ARHGAP10: variants seen among roughly 807,000 people sequenced by gnomAD.
ARHGAP10 encodes the protein rho GTPase-activating protein 10.
In ARHGAP10, 87 loss-of-function variants were observed where a neutral mutation model predicts 108.6. The observed-to-expected ratio is 0.80, with a 90% CI of 0.67 to 0.96. The LOEUF (loss-of-function observed/expected upper bound fraction) is 0.96, where lower values mean the gene tolerates loss of function less well. ARHGAP10 is among the 40% of genes least tolerant of loss of function. The pLI is 0.00. For synonymous variants in ARHGAP10, 347 were observed against 341.1 expected (o/e 1.02, Z -0.19); for missense variants, 939 against 954.5 (o/e 0.98, Z 0.21).
At position 147,784,749 on chromosome 4, in the gene ARHGAP10, A is replaced by AATG. The variant is rs1340183116; in HGVS notation, c.155-37978_155-37977insATG. Among the ~76,000 whole-genome samples, 154 of 23,934 alleles carry AATG rather than the reference A, an allele frequency of 6.4e-3. 33 individuals carry two copies. Among genetic ancestry groups the AATG allele is most frequent in the African/African-American group, 0.011 (148 of 12,888 alleles). 15.7% of individuals were successfully genotyped at this position (23,934 alleles called of 152,430 possible). A position where few individuals can be genotyped will look rare whatever the true frequency, so the allele number is the denominator to read the frequency against. ...ATTATAAAATATATATTATAAATATATATTATAAAATGTATATTATAAATA... is the reference window on the plus strand; with the variant it reads ...ATTATAAAATATATATTATAAATATAATGTATTATAAAATGTATATTATAAATA... On this transcript the variant is annotated intron_variant, in intron 1 of 22. Transcript: ENST00000336498.
chr4:147,732,781 C>T (rs1016237614), intron 1 of ARHGAP10, among the ~76,000 whole-genome samples: 1 of 152,208 alleles, frequency 6.6e-6, no homozygotes, highest in African/African-American at 2.4e-5. Context: ...CTAGGCACTC[C>T]TGGCCCGGAG....
chr4:148,016,789 C>G (rs962558614), intron 18 of ARHGAP10, among the ~76,000 whole-genome samples: 1 of 152,122 alleles, frequency 6.6e-6, no homozygotes, highest in Non-Finnish European at 1.5e-5. Flanking sequence ...GAAATTCTGA[C>G]TGGCTTCCAC....
chr4:147,937,982 A>G (rs1738020538), intron 13 of ARHGAP10, among the ~76,000 whole-genome samples: 1 of 152,204 alleles, frequency 6.6e-6, no homozygotes, highest in East Asian at 1.9e-4. Flanking sequence ...TCCATCTCCA[A>G]AAGAAACAAA....
intron 13 of ARHGAP10, among the ~76,000 whole-genome samples, chr4:147,919,744 A>C (rs1737157583): frequency 1.3e-5 from 2 of 151,892 alleles, no homozygotes; most frequent in South Asian, 4.2e-4. Context: ...ATACCCAGCT[A>C]ATTTTTTTGT....
chr4:147,967,809 A>G (rs1292422311), intron 18 of ARHGAP10, among the ~76,000 whole-genome samples: 3 of 151,988 alleles, frequency 2.0e-5, no homozygotes, highest in East Asian at 1.9e-4. Flanking sequence ...TTCAACCCCA[A>G]CAAATCAGAA....
chr4:147,948,667 G>T (rs1044384180), intron 15 of ARHGAP10, among the ~76,000 whole-genome samples: 4 of 152,016 alleles, frequency 2.6e-5, no homozygotes, highest in African/African-American at 9.7e-5. Context: ...TTTCAAGAAT[G>T]CATTGTAGGC....
chr4:147,749,134 T>G (rs1251103151), intron 1 of ARHGAP10, among the ~76,000 whole-genome samples: 1 of 152,184 alleles, frequency 6.6e-6, no homozygotes, highest in East Asian at 1.9e-4. Context: ...CTTGGTTGAT[T>G]AATTTTAACC....
At chr4:147,919,532 T>C (rs1395060878) in intron 13 of ARHGAP10, among the ~76,000 whole-genome samples, 1 of 152,064 alleles carries the variant, frequency 6.6e-6, no homozygotes, top group Non-Finnish European at 1.5e-5. Flanking sequence ...CAAACTTTGC[T>C]GCACATTGAA....
At chr4:147,864,764 G>A (rs1309517901) in intron 5 of ARHGAP10, 82 bp from the exon 6 acceptor site, 5 of 1,234,822 alleles carry the variant, frequency 4.0e-6, no homozygotes, top group Non-Finnish European at 5.8e-6. Context: ...TTTGGCCCAT[G>A]GACCACAGTG....
intron 1 of ARHGAP10, among the ~76,000 whole-genome samples, chr4:147,809,542 C>G (rs1290646264): frequency 6.6e-6 from 1 of 152,176 alleles, no homozygotes; most frequent in Non-Finnish European, 1.5e-5. Context: ...AACTAAAGCT[C>G]AGAAGCATTG....
At chr4:147,799,081 C>T (rs913947068) in intron 1 of ARHGAP10, among the ~76,000 whole-genome samples, 1 of 151,736 alleles carries the variant, frequency 6.6e-6, no homozygotes, top group Admixed American at 6.6e-5. Context: ...GTCACCCAGG[C>T]TGGAATGCAT....
chr4:147,956,750 CTTTTT>C (rs554503809), intron 16 of ARHGAP10, among the ~76,000 whole-genome samples: 2 of 142,016 alleles, frequency 1.4e-5, no homozygotes, highest in Admixed American at 6.9e-5. Context: ...TTTTTTTTTC[CTTTTT>C]TTTTTTCTTT....
intron 7 of ARHGAP10, among the ~76,000 whole-genome samples, chr4:147,871,825 G>C (rs1734834762): frequency 6.6e-6 from 1 of 152,122 alleles, no homozygotes; most frequent in Non-Finnish European, 1.5e-5. Context: ...TAGTGGCTGG[G>C]GATGGTGGCT....
At chr4:147,835,411 C>T (rs1207865789) in intron 3 of ARHGAP10, among the ~76,000 whole-genome samples, 3 of 152,138 alleles carry the variant, frequency 2.0e-5, no homozygotes, top group African/African-American at 4.8e-5. Context: ...CTTGCTCTGT[C>T]GCCCAGGCTG....
At chr4:148,057,825 G>A (rs891630074) in intron 20 of ARHGAP10, among the ~76,000 whole-genome samples, 8 of 152,212 alleles carry the variant, frequency 5.3e-5, no homozygotes, top group South Asian at 2.1e-4. Flanking sequence ...GTGGTGTCAC[G>A]GTTTCCTGGG....
chr4:147,947,844 G>C (rs1250546476), intron 15 of ARHGAP10, among the ~76,000 whole-genome samples: 1 of 151,958 alleles, frequency 6.6e-6, no homozygotes, highest in African/African-American at 2.4e-5. Context: ...TACATAAGAT[G>C]AGAGTTTAGT....
intron 17 of ARHGAP10, among the ~76,000 whole-genome samples, chr4:147,965,705 A>G (rs1739179058): frequency 6.6e-6 from 1 of 152,252 alleles, no homozygotes; most frequent in South Asian, 2.1e-4. Flanking sequence ...GTGATTTGCC[A>G]AGGGACCTAC....
chr4:147,822,945 G>A lies in ARHGAP10; in HGVS notation c.300G>A (p.Gln100=), dbSNP rs199864383. 2.2e-5 allele frequency: 36 copies of A among 1,613,482 alleles called. No individual in the cohort carries two copies. Among genetic ancestry groups the A allele is most frequent in the Non-Finnish European group, 2.8e-5 (33 of 1,179,398 alleles). Residue 100 remains glutamine, a synonymous_variant, in exon 3 of 23, where the codon CAG becomes CAA. Coordinates refer to ENST00000336498, the MANE Select transcript of ARHGAP10 (RefSeq NM_024605.4). The part of the protein sequence containing the change: ...FSNFLKNLEE[Q]REIMALSVTE... Reference sequence around the variant, plus strand: ...ATTTTTTGAAGAATCTGGAGGAACAGAGAGAAATTATGGTGAGTTGAGAGG... The same window carrying A: ...ATTTTTTGAAGAATCTGGAGGAACAAAGAGAAATTATGGTGAGTTGAGAGG...
At chr4:148,017,224 C>T (rs1741381334) in intron 18 of ARHGAP10, among the ~76,000 whole-genome samples, 1 of 152,078 alleles carries the variant, frequency 6.6e-6, no homozygotes, top group Non-Finnish European at 1.5e-5. Flanking sequence ...TGCAGCATTC[C>T]CTCCTCCAGA....
Sources: allele counts gnomAD v4.1 joint callset (sites outside exome capture counted in the v4.1 genomes callset), GRCh38; gene constraint gnomAD v4.1.1; transcripts MANE v1.5; gene names NCBI Gene and HGNC (gene_info 2026-07-23, HGNC 2026-07-21).